Variants in CPED1 observed in about 807,000 individuals in gnomAD.
The protein encoded by CPED1 is cadherin-like and PC-esterase domain-containing protein 1.
Under a neutral mutation model 128.2 loss-of-function variants are expected in CPED1, and 114 were observed. The observed-to-expected ratio is 0.89, with a 90% confidence interval of 0.76 to 1.04. The LOEUF is 1.04. Ranked by LOEUF, CPED1 falls within the 50% of genes least tolerant of loss-of-function variation. CPED1 has a pLI of 0.00. For missense variants in CPED1, 1,211 were observed against 1,207.1 expected (o/e 1.00, Z -0.05); for synonymous variants, 462 against 426.7 (o/e 1.08, Z -1.02).
chr7:121,117,967 G>A (rs1584524088), intron 7 of CPED1, among the ~76,000 whole-genome samples: 1 of 151,218 alleles, frequency 6.6e-6, no homozygotes, highest in East Asian at 1.9e-4. Flanking sequence ...GTTCTTTAGA[G>A]CAAGTGAAGG....
rs1793915419 is a variant in CPED1 at position 121,068,652 on chromosome 7, AAAGTC to A, written c.616+4341_616+4345del. 5.3e-5 allele frequency among the ~76,000 whole-genome samples: 8 copies of A among 149,658 alleles called. No individual in the cohort carries two copies. In the Admixed American group the frequency reaches 5.4e-4, roughly 10 times the overall value. On this transcript the variant is annotated intron_variant, in intron 5 of 22. Transcript: ENST00000310396. ...AGTAGTTTTTTCCAATTCTTTGAAG[AAAGTC>A]ATTGGTAGCTTGATGGGGATGGCAT...
At chr7:121,256,130 A>AAAAAAAAAAAAAAAAC (rs1562852749) in intron 18 of CPED1, among the ~76,000 whole-genome samples, 1 of 35,194 alleles carries the variant, frequency 2.8e-5, no homozygotes, top group African/African-American at 4.4e-5. Flanking sequence ...AAAACAAAAC[A>AAAAAAAAAAAAAAAAC]AAAAAAAAAA....
chr7:121,201,324 T>A (rs986171076), intron 16 of CPED1, among the ~76,000 whole-genome samples: 1 of 151,944 alleles, frequency 6.6e-6, no homozygotes, highest in African/African-American at 2.4e-5. Context: ...TGCAGCTACT[T>A]ACGAGGCTGA....
At chr7:121,009,020 G>A (rs947890238) in intron 2 of CPED1, among the ~76,000 whole-genome samples, 1 of 151,966 alleles carries the variant, frequency 6.6e-6, no homozygotes, top group Non-Finnish European at 1.5e-5. Flanking sequence ...TCTCCCTCAG[G>A]TCCCTTAGCT....
intron 3 of CPED1, among the ~76,000 whole-genome samples, chr7:121,046,517 TTTA>T (rs954375735): frequency 3.2e-4 from 49 of 152,166 alleles, no homozygotes; most frequent in African/African-American, 1.1e-3. Flanking sequence ...CTTAAAAGAT[TTTA>T]TTATTTTTTC....
chr7:121,132,274 A>C (rs1235057278), intron 12 of CPED1, among the ~76,000 whole-genome samples: 1 of 152,012 alleles, frequency 6.6e-6, no homozygotes, highest in African/African-American at 2.4e-5. Flanking sequence ...TGGAACTAGG[A>C]CCCTAGCCTT....
rs139071396 is a variant in CPED1, at chr7:121,004,863, G to A, written c.250-10802G>A. Among the ~76,000 whole-genome samples the A allele has an allele frequency of 1.9e-3, 287 of 152,240 alleles. 2 individuals are homozygous for A. Among genetic ancestry groups the A allele is most frequent in the African/African-American group, 6.6e-3 (275 of 41,552 alleles). Reference sequence around the variant, plus strand: ...CAAAGTAAAAATGAAGTCATATGTAGTTGTACAATTAACAAATGGACTAAT... The same window carrying A: ...CAAAGTAAAAATGAAGTCATATGTAATTGTACAATTAACAAATGGACTAAT... On this transcript the variant is annotated intron_variant, in intron 2 of 22. Transcript: ENST00000310396.
At chr7:121,106,079 A>C (rs1037256477) in intron 7 of CPED1, among the ~76,000 whole-genome samples, 6 of 152,230 alleles carry the variant, frequency 3.9e-5, no homozygotes, top group Admixed American at 6.5e-5. Context: ...TTATCAGTGA[A>C]TCGTTGTCTA....
intron 3 of CPED1, among the ~76,000 whole-genome samples, chr7:121,019,817 G>C (rs904473992): frequency 1.3e-5 from 2 of 151,936 alleles, no homozygotes; most frequent in Non-Finnish European, 2.9e-5. Context: ...ATTCTCTAAA[G>C]GAGAATTCCT....
chr7:121,141,335 T>G (rs529532108), intron 15 of CPED1, among the ~76,000 whole-genome samples: 3 of 152,190 alleles, frequency 2.0e-5, no homozygotes, highest in East Asian at 3.9e-4. Context: ...ATTGATTGCT[T>G]AAACCAATTG....
At chr7:121,172,703 T>TAGATA (rs61009285) in intron 16 of CPED1, among the ~76,000 whole-genome samples, 2 of 151,998 alleles carry the variant, frequency 1.3e-5, no homozygotes, top group African/African-American at 4.8e-5. Flanking sequence ...GATAGATAGA[T>TAGATA]GTATTAGTTA....
At chr7:120,998,677 C>T (rs1796451107) in intron 2 of CPED1, among the ~76,000 whole-genome samples, 2 of 152,140 alleles carry the variant, frequency 1.3e-5, no homozygotes, top group Admixed American at 1.3e-4. Context: ...GTTTCTCTCT[C>T]TATCCCCCAG....
At chr7:121,076,819 A>C (rs982512537) in intron 5 of CPED1, among the ~76,000 whole-genome samples, 3 of 152,178 alleles carry the variant, frequency 2.0e-5, no homozygotes, top group Non-Finnish European at 2.9e-5. Flanking sequence ...GATCTTGTAA[A>C]GAAAAAAGTG....
intron 17 of CPED1, 130 bp downstream of exon 17, chr7:121,236,961 C>A (rs1316095740): frequency 4.4e-6 from 2 of 451,114 alleles, no homozygotes; most frequent in African/African-American, 2.0e-5. Context: ...AACTATAAAG[C>A]ATATAATTAA....
At chr7:121,278,550 C>T (rs1416936111) in intron 22 of CPED1, among the ~76,000 whole-genome samples, 1 of 152,082 alleles carries the variant, frequency 6.6e-6, no homozygotes, top group African/African-American at 2.4e-5. Context: ...TCCTACACTC[C>T]TTTTTTAGAA....
intron 14 of CPED1, 69 bp downstream of exon 14, chr7:121,136,159 AT>A: frequency 7.0e-7 from 1 of 1,433,790 alleles, no homozygotes. Flanking sequence ...TTGAAAAAAA[AT>A]GCATCATTTT....
At chr7:121,277,451 GC>G (rs2116765794) in intron 22 of CPED1, among the ~76,000 whole-genome samples, 1 of 152,202 alleles carries the variant, frequency 6.6e-6, no homozygotes, top group African/African-American at 2.4e-5. Context: ...CATCCACAGA[GC>G]CCAGACTCAT....
At chr7:120,993,931 C>A in intron 2 of CPED1, 1 of 316,968 alleles carries the variant, frequency 3.2e-6, no homozygotes, top group Non-Finnish European at 6.6e-6. Flanking sequence ...AGGGCAGCCA[C>A]TAGAGAAGCT....
At chr7:121,149,355 T>C (rs934709165) in intron 16 of CPED1, among the ~76,000 whole-genome samples, 3 of 152,236 alleles carry the variant, frequency 2.0e-5, no homozygotes, top group African/African-American at 7.2e-5. Context: ...AGTGGCATGT[T>C]CTTTCAATCA....
Sources: allele counts gnomAD v4.1 joint callset (sites outside exome capture counted in the v4.1 genomes callset), GRCh38; gene constraint gnomAD v4.1.1; transcripts MANE v1.5; gene names NCBI Gene and HGNC (gene_info 2026-07-23, HGNC 2026-07-21).